Variants in PCDHA5 observed in about 807,000 individuals in gnomAD.
PCDHA5 encodes the protein protocadherin alpha-5.
A neutral mutation model predicts 61.6 loss-of-function variants in PCDHA5; 43 were observed. The ratio of observed to expected loss-of-function variants is 0.70; its 90% CI spans 0.55 to 0.90. The LOEUF is 0.90. Ranked by LOEUF, PCDHA5 falls within the 40% of genes least tolerant of loss-of-function variation. The pLI is 0.00. For missense variants in PCDHA5, 1,298 were observed against 1,222.7 expected (o/e 1.06, Z -0.92); for synonymous variants, 627 against 543.9 (o/e 1.15, Z -2.13).
At chr5:141,000,415 A>AT (rs1563651650) in intron 3 of PCDHA5, among the ~76,000 whole-genome samples, 6 of 87,394 alleles carry the variant, frequency 6.9e-5, no homozygotes, top group African/African-American at 1.5e-4. Flanking sequence ...ATATATATAT[A>AT]TATATATTTT....
chr5:140,845,477 G>A (rs2150379213), intron 1 of PCDHA5, among the ~76,000 whole-genome samples: 4 of 149,604 alleles, frequency 2.7e-5, no homozygotes, highest in Non-Finnish European at 6.0e-5. Flanking sequence ...ATTTGGGGTT[G>A]TGCTTTCACA....
At chr5:140,869,161 C>T in intron 1 of PCDHA5, 1 of 1,613,852 alleles carries the variant, frequency 6.2e-7, no homozygotes, top group South Asian at 1.1e-5. Flanking sequence ...CTGGCTTCTC[C>T]TCCTCGAATT....
intron 1 of PCDHA5, among the ~76,000 whole-genome samples, chr5:140,912,343 AT>A (rs35252606): frequency 0.42 from 59,775 of 143,548 alleles, 12,483 homozygotes; most frequent in African/African-American, 0.57. Context: ...TACACTAAGT[AT>A]TTTTTTTTTT....
In PCDHA5 at chr5:140,821,874, G is replaced by A. The variant is rs199540221; in HGVS notation, c.99G>A (p.Ser33=). 2.2e-5 allele frequency: 35 copies of A among 1,614,080 alleles called. No homozygotes were observed. The highest frequency in any genetic ancestry group is 4.0e-5 in the African/African-American group (3 of 74,940). The stretch of plus-strand genomic sequence containing the variant: ...CAGGGAGCGGCCAGCTCCACTACTC[G>A]ATCCCGGAGGAAGCCAAACACGGAA... ...WKAGSGQLHY[S]IPEEAKHGTF... The change falls in exon 1 of 4, where the codon TCG becomes TCA. Residue 33 remains serine (S), a synonymous_variant. Transcript: ENST00000529859.
chr5:140,861,339 C>A lies in PCDHA5; in HGVS notation c.2352+37212C>A. ...TTCCACTACACCATCCTGGAAGAGG[C>A]CAAGGACGGCACATAGCGTCTTCGC... On this transcript the variant is annotated intron_variant, in intron 1 of 3. Transcript: ENST00000529859. 4 of 274,788 alleles carry A rather than the reference C, an allele frequency of 1.5e-5. No homozygotes were observed. The South Asian group carries it at 1.7e-4, about 12-fold the overall frequency. The allele number at this position is 274,788 out of a possible 1,614,324, so 17.0% of individuals were successfully genotyped here.
At chr5:140,901,580 C>T (rs2068755035) in intron 1 of PCDHA5, among the ~76,000 whole-genome samples, 3 of 152,008 alleles carry the variant, frequency 2.0e-5, no homozygotes, top group Admixed American at 6.6e-5. Context: ...TATGCCAGTG[C>T]CATGATGTTT....
At chr5:140,869,108 T>C in intron 1 of PCDHA5, 2 of 1,602,680 alleles carry the variant, frequency 1.2e-6, no homozygotes, top group African/African-American at 1.3e-5. Flanking sequence ...TATGCGATGT[T>C]TGGTTTTCAG....
intron 1 of PCDHA5, chr5:140,830,209 G>C: frequency 6.2e-7 from 1 of 1,613,806 alleles, no homozygotes; most frequent in Non-Finnish European, 8.5e-7. Context: ...CCATCTGCGC[G>C]GTATCCAGCC....
chr5:140,851,920 T>C (rs2042197222), intron 1 of PCDHA5: 1 of 967,994 alleles, frequency 1.0e-6, no homozygotes, highest in African/African-American at 1.8e-5. Context: ...CTACATGTTA[T>C]GTTTCCTGAA....
Position 140,929,404 on chromosome 5 carries a change from G to A in PCDHA5, c.2353-49545G>A, listed in dbSNP as rs530409256. 1.4e-5 allele frequency: 21 copies of A among 1,506,596 alleles called. No individual in the cohort carries two copies. The South Asian group carries it at 1.9e-4, about 14-fold the overall frequency. The allele number at this position is 1,506,596 out of a possible 1,614,324, so 93.3% of individuals were successfully genotyped here. A position where few individuals can be genotyped will look rare whatever the true frequency, so the allele number is the denominator to read the frequency against. ...GTGTTTTGAAATATTTCTTAGACAAGCCTTTCACAACATTTCATCAATTGA... is the reference window on the plus strand; with the variant it reads ...GTGTTTTGAAATATTTCTTAGACAAACCTTTCACAACATTTCATCAATTGA... On this transcript the variant is annotated intron_variant, in intron 1 of 3. Coordinates refer to ENST00000529859, the MANE Select transcript of PCDHA5 (RefSeq NM_018908.3).
chr5:140,900,000 A>G (rs1374747791), intron 1 of PCDHA5, among the ~76,000 whole-genome samples: 1 of 151,872 alleles, frequency 6.6e-6, no homozygotes, highest in Non-Finnish European at 1.5e-5. Flanking sequence ...TGTAGAGATG[A>G]GGTCTCACTT....
At chr5:140,875,241 A>G (rs1176870557) in intron 1 of PCDHA5, 27 of 935,126 alleles carry the variant, frequency 2.9e-5, no homozygotes, top group Non-Finnish European at 3.8e-5. Context: ...TTGTACTTAC[A>G]TAATCAGTCA....
intron 1 of PCDHA5, among the ~76,000 whole-genome samples, chr5:140,838,077 A>ATAGTGT (rs1203070308): frequency 7.4e-5 from 6 of 80,664 alleles, no homozygotes; most frequent in Non-Finnish European, 1.5e-4. Flanking sequence ...ATATATATAT[A>ATAGTGT]GTGTGTGTGT....
In PCDHA5 at chr5:140,998,286, A is replaced by G. The variant is rs913397915; in HGVS notation, c.2501-11341A>G. Among the ~76,000 whole-genome samples, 51 of 152,230 alleles carry G rather than the reference A, an allele frequency of 3.4e-4. 1 individual carries two copies. Among genetic ancestry groups the G allele is most frequent in the Non-Finnish European group, 1.5e-5 (1 of 68,044 alleles). On this transcript the variant is annotated intron_variant, in intron 3 of 3. Coordinates refer to ENST00000529859, the MANE Select transcript of PCDHA5 (RefSeq NM_018908.3). ...AAACTGACACCCATAGGATTAAATC[A>G]GATCACACATTTAGTAAGGGCACCA...
chr5:140,899,056 G>C (rs1370417194), intron 1 of PCDHA5, among the ~76,000 whole-genome samples: 14 of 152,060 alleles, frequency 9.2e-5, no homozygotes, highest in Non-Finnish European at 2.9e-5. Flanking sequence ...CTGAGACTTT[G>C]CTGAAGTTGC....
intron 1 of PCDHA5, chr5:140,882,487 C>G: frequency 6.2e-7 from 1 of 1,614,054 alleles, no homozygotes; most frequent in Non-Finnish European, 8.5e-7. Flanking sequence ...GACACGGGGA[C>G]CTTCTGGAGG....
At chr5:140,983,882 A>G (rs1203287819) in intron 3 of PCDHA5, among the ~76,000 whole-genome samples, 2 of 152,224 alleles carry the variant, frequency 1.3e-5, no homozygotes, top group East Asian at 3.8e-4. Flanking sequence ...TTTACTGGCA[A>G]CTTTAAGGGC....
rs57893927 is a variant in PCDHA5, at chr5:140,946,631, T to TATATATATATATATATAC, written c.2353-32317_2353-32316insTATATATATATATATACA. Among the ~76,000 whole-genome samples, 374 of 131,796 alleles carry TATATATATATATATATAC rather than the reference T, an allele frequency of 2.8e-3. 24 individuals carry two copies. The highest frequency in any genetic ancestry group is 0.011 in the African/African-American group (320 of 28,670). 86.5% of individuals were successfully genotyped at this position (131,796 alleles called of 152,430 possible). ...TGTGAAATATATATATATATATATA[T>TATATATATATATATATAC]ACAATGGAATACTCATCAGCCATTA... On this transcript the variant is annotated intron_variant, in intron 1 of 3. Coordinates refer to ENST00000529859, the MANE Select transcript of PCDHA5 (RefSeq NM_018908.3).
At chr5:140,924,588 T>C (rs2081910916) in intron 1 of PCDHA5, among the ~76,000 whole-genome samples, 1 of 152,212 alleles carries the variant, frequency 6.6e-6, no homozygotes, top group East Asian at 1.9e-4. Context: ...TCAAATATTA[T>C]AGAAATATGC....
Sources: allele counts gnomAD v4.1 joint callset (sites outside exome capture counted in the v4.1 genomes callset), GRCh38; gene constraint gnomAD v4.1.1; transcripts MANE v1.5; gene names NCBI Gene and HGNC (gene_info 2026-07-23, HGNC 2026-07-21).